PHKB: variants seen among roughly 807,000 people sequenced by gnomAD.
PHKB encodes the protein phosphorylase b kinase regulatory subunit beta.
In PHKB, 122 loss-of-function variants were observed where a neutral mutation model predicts 152.1. That is an observed-to-expected ratio of 0.80 (90% CI 0.69 to 0.93). The LOEUF (loss-of-function observed/expected upper bound fraction) is 0.93, where lower values mean the gene tolerates loss of function less well. Ranked by LOEUF, PHKB falls within the 40% of genes least tolerant of loss-of-function variation. The pLI is 0.00. For missense variants in PHKB, 1,304 were observed against 1,328.4 expected (o/e 0.98, Z 0.29); for synonymous variants, 436 against 464.9 (o/e 0.94, Z 0.80).
At chr16:47,566,486 T>TGGG in intron 7 of PHKB, 1 of 1,608,002 alleles carries the variant, frequency 6.2e-7, no homozygotes, top group Non-Finnish European at 8.5e-7. Context: ...AACCAAAACC[T>TGGG]TTCAACTTCT....
chr16:47,699,497 C>A lies in PHKB; in HGVS notation c.*131C>A, dbSNP rs1299652923. 2.0e-6 allele frequency: 2 copies of A among 1,025,142 alleles called. No individual in the cohort carries two copies. The highest frequency in any genetic ancestry group is 1.6e-5 in the African/African-American group (1 of 63,832). 63.5% of individuals were successfully genotyped at this position (1,025,142 alleles called of 1,614,324 possible). On this transcript the variant is annotated 3_prime_UTR_variant, in exon 31 of 31. Transcript: ENST00000323584. ...GGGGAGGTGAATGCCACATCCTTGG[C>A]GGGGTTATGGACCTCTTGCATGTCA...
At chr16:47,513,861 G>A (rs557619904) in intron 5 of PHKB, among the ~76,000 whole-genome samples, 174 of 152,180 alleles carry the variant, frequency 1.1e-3, no homozygotes, top group Non-Finnish European at 2.2e-3. Context: ...TACAATTCAC[G>A]TAACATGTAA....
intron 26 of PHKB, among the ~76,000 whole-genome samples, chr16:47,678,832 T>TG (rs1268016377): frequency 1.3e-5 from 2 of 152,216 alleles, no homozygotes; most frequent in South Asian, 2.1e-4. Flanking sequence ...GTTTTAGACA[T>TG]GCAGTCCTTG....
chr16:47,501,183 T>C (rs916090025), intron 3 of PHKB, among the ~76,000 whole-genome samples: 7 of 152,174 alleles, frequency 4.6e-5, no homozygotes, highest in Non-Finnish European at 1.0e-4. Context: ...TTTGACACAA[T>C]GGGAAATACA....
At chr16:47,522,419 A>C (rs1970699941) in intron 6 of PHKB, among the ~76,000 whole-genome samples, 1 of 151,796 alleles carries the variant, frequency 6.6e-6, no homozygotes, top group Admixed American at 6.6e-5. Context: ...TAATAGTTTG[A>C]GTCTTATCCC....
At chr16:47,597,295 G>A (rs1441764682) in intron 13 of PHKB, among the ~76,000 whole-genome samples, 1 of 152,048 alleles carries the variant, frequency 6.6e-6, no homozygotes, top group Non-Finnish European at 1.5e-5. Flanking sequence ...GTTGTTTCTA[G>A]CATTACTGCA....
chr16:47,461,505 G>C, intron 1 of PHKB, 79 bp downstream of exon 1: 4 of 1,445,640 alleles, frequency 2.8e-6, no homozygotes, highest in Admixed American at 1.7e-5. Flanking sequence ...CGGGAGGCAG[G>C]TGGGGGCCCT....
intron 1 of PHKB, among the ~76,000 whole-genome samples, chr16:47,467,642 T>C (rs890532157): frequency 6.6e-6 from 1 of 152,186 alleles, no homozygotes; most frequent in Non-Finnish European, 1.5e-5. Context: ...ATAGAGGCCA[T>C]ATCATATGAC....
intron 13 of PHKB, among the ~76,000 whole-genome samples, chr16:47,608,973 C>T (rs1480082945): frequency 6.6e-6 from 1 of 152,134 alleles, no homozygotes; most frequent in Non-Finnish European, 1.5e-5. Context: ...TTGTCTTATT[C>T]CTGATCCTTG....
intron 1 of PHKB, among the ~76,000 whole-genome samples, chr16:47,472,704 C>T (rs1567270311): frequency 6.6e-6 from 1 of 152,108 alleles, no homozygotes; most frequent in Non-Finnish European, 1.5e-5. Context: ...ATGGCGTGAA[C>T]CCAGGAGGCG....
chr16:47,557,063 C>A (rs1971385572), intron 7 of PHKB, among the ~76,000 whole-genome samples: 1 of 152,124 alleles, frequency 6.6e-6, no homozygotes, highest in Non-Finnish European at 1.5e-5. Flanking sequence ...GAACAGAGCC[C>A]TCAGAAATAA....
At chr16:47,680,499 G>A (rs540280673) in intron 26 of PHKB, among the ~76,000 whole-genome samples, 16 of 152,270 alleles carry the variant, frequency 1.1e-4, no homozygotes, top group Admixed American at 8.5e-4. Flanking sequence ...AGTCTTGGGA[G>A]GGTGTATGTG....
intron 6 of PHKB, among the ~76,000 whole-genome samples, chr16:47,540,172 T>C (rs1251388469): frequency 1.3e-5 from 2 of 152,118 alleles, no homozygotes; most frequent in Non-Finnish European, 2.9e-5. Flanking sequence ...GTCTGTCTTA[T>C]GTGGTTGAGA....
chr16:47,486,708 A>G (rs146320476), intron 1 of PHKB, among the ~76,000 whole-genome samples: 4 of 152,236 alleles, frequency 2.6e-5, no homozygotes, highest in African/African-American at 9.6e-5. Flanking sequence ...TCATGGAACT[A>G]TGGGACTCTT....
At chr16:47,552,915 A>G (rs962448066) in intron 7 of PHKB, among the ~76,000 whole-genome samples, 1 of 152,110 alleles carries the variant, frequency 6.6e-6, no homozygotes, top group Non-Finnish European at 1.5e-5. Flanking sequence ...TGTTAGTCTG[A>G]TGGGCTTCCC....
At chr16:47,464,695 GTCACTT>G (rs1048537396) in intron 1 of PHKB, among the ~76,000 whole-genome samples, 1 of 152,180 alleles carries the variant, frequency 6.6e-6, no homozygotes, top group African/African-American at 2.4e-5. Context: ...TGTATTCAGT[GTCACTT>G]TACAGAACAA....
chr16:47,477,301 A>ATT (rs1969885010), intron 1 of PHKB, among the ~76,000 whole-genome samples: 1 of 152,074 alleles, frequency 6.6e-6, no homozygotes, highest in African/African-American at 2.4e-5. Flanking sequence ...CATGGACAAG[A>ATT]TTTGTTGCAG....
chr16:47,603,631 G>A (rs1160954890), intron 13 of PHKB, among the ~76,000 whole-genome samples: 1 of 151,556 alleles, frequency 6.6e-6, no homozygotes, highest in African/African-American at 2.4e-5. Context: ...AGCCTCCCAA[G>A]TAGCTGGGGC....
intron 1 of PHKB, among the ~76,000 whole-genome samples, chr16:47,496,777 C>T (rs1372538315): frequency 6.6e-6 from 1 of 152,160 alleles, no homozygotes; most frequent in Non-Finnish European, 1.5e-5. Context: ...GAGCAGCTGA[C>T]TCTGCTAACA....
Sources: allele counts gnomAD v4.1 joint callset (sites outside exome capture counted in the v4.1 genomes callset), GRCh38; gene constraint gnomAD v4.1.1; transcripts MANE v1.5; gene names NCBI Gene and HGNC (gene_info 2026-07-23, HGNC 2026-07-21).